Variants in DPP6 observed in about 807,000 individuals in gnomAD.
The protein encoded by DPP6 is dipeptidyl peptidase like 6.
DPP6 carries 69 observed loss-of-function variants against 122.6 expected under a neutral mutation model. That is an observed-to-expected ratio of 0.56 (90% CI 0.46 to 0.69). The LOEUF (loss-of-function observed/expected upper bound fraction) is 0.69, where lower values mean the gene tolerates loss of function less well. Among genes scored for constraint, DPP6 ranks in the 30% least tolerant of loss-of-function variants. The pLI is 0.00. For synonymous variants in DPP6, 418 were observed against 433.1 expected (o/e 0.97, Z 0.43); for missense variants, 928 against 1,116.9 (o/e 0.83, Z 2.41).
At chr7:154,802,997 T>C (rs57624562) in intron 13 of DPP6, among the ~76,000 whole-genome samples, 21,621 of 152,144 alleles carry the variant, frequency 0.14, 2,410 homozygotes, top group African/African-American at 0.31. Flanking sequence ...TCCTGCAGGT[T>C]CCCAGGAACC....
chr7:153,898,179 G>A (rs975345145), intron 1 of DPP6, among the ~76,000 whole-genome samples: 23 of 152,180 alleles, frequency 1.5e-4, no homozygotes, highest in African/African-American at 5.3e-4. Context: ...GAGTCTGGGT[G>A]CAGTGGCTCA....
intron 1 of DPP6, among the ~76,000 whole-genome samples, chr7:154,011,041 G>T (rs1483265256): frequency 6.6e-6 from 1 of 152,174 alleles, no homozygotes; most frequent in Non-Finnish European, 1.5e-5. Context: ...TGAGAATGTT[G>T]TTGAGTGCAG....
rs1805326283 is a variant in DPP6 at position 154,880,803 on chromosome 7, A to G, written c.2079-85A>G. On this transcript the variant is annotated intron_variant, in intron 20 of 25. Coordinates refer to ENST00000377770, the MANE Select transcript of DPP6 (RefSeq NM_130797.4). Reference sequence around the variant, plus strand: ...AGAGGGGTTTTCATCCTTGAAATGGATGGAAAACATGGCTCTGGGCTACAG... The same window carrying G: ...AGAGGGGTTTTCATCCTTGAAATGGGTGGAAAACATGGCTCTGGGCTACAG... The G allele has an allele frequency of 2.5e-6, 4 of 1,610,144 alleles. No homozygotes were observed. The Admixed American group carries it at 5.0e-5, about 20-fold the overall frequency.
At chr7:154,773,629 T>C (rs926318926) in intron 10 of DPP6, among the ~76,000 whole-genome samples, 1 of 152,132 alleles carries the variant, frequency 6.6e-6, no homozygotes, top group African/African-American at 2.4e-5. Context: ...GAGGAGGGGA[T>C]TTTAGGGGTG....
At chr7:154,008,177 G>A (rs965226362) in intron 1 of DPP6, among the ~76,000 whole-genome samples, 51 of 152,096 alleles carry the variant, frequency 3.4e-4, no homozygotes, top group Admixed American at 7.9e-4. Flanking sequence ...ATTGTTTAAG[G>A]ATGATAAAAC....
At chr7:153,874,744 A>C in the DPP6 span, among the ~76,000 whole-genome samples, 2 of 152,346 alleles carry the variant, frequency 1.3e-5, no homozygotes, top group Admixed American at 6.5e-5. Context: ...AATGGAAACA[A>C]AATAAGATAT....
At chr7:154,676,176 C>T (rs1409797573) in intron 7 of DPP6, among the ~76,000 whole-genome samples, 2 of 151,122 alleles carry the variant, frequency 1.3e-5, no homozygotes, top group Non-Finnish European at 2.9e-5. Context: ...ACAGGTGTTC[C>T]GGGCTACAGC....
At chr7:154,291,397 A>C (rs1255234527) in intron 1 of DPP6, among the ~76,000 whole-genome samples, 2 of 152,176 alleles carry the variant, frequency 1.3e-5, no homozygotes, top group African/African-American at 4.8e-5. Context: ...GAAAACTGGC[A>C]AGTCTCCAGG....
the DPP6 span, among the ~76,000 whole-genome samples, chr7:153,832,737 A>G: frequency 3.1e-5 from 3 of 98,054 alleles, no homozygotes; most frequent in South Asian, 2.8e-4. Context: ...TTGATGTCCT[A>G]TGTTTAGCAG....
chr7:154,102,987 A>G (rs903573689), intron 1 of DPP6, among the ~76,000 whole-genome samples: 29 of 152,028 alleles, frequency 1.9e-4, no homozygotes, highest in African/African-American at 6.8e-4. Context: ...CCCATTCTGA[A>G]TCACAAAGGC....
intron 1 of DPP6, among the ~76,000 whole-genome samples, chr7:154,066,129 A>T (rs1252513884): frequency 6.7e-6 from 1 of 150,082 alleles, no homozygotes; most frequent in African/African-American, 2.5e-5. Flanking sequence ...ATACAAACTC[A>T]GCTCACTGTA....
At chr7:154,397,406 A>T (rs1815184437) in intron 1 of DPP6, among the ~76,000 whole-genome samples, 1 of 152,218 alleles carries the variant, frequency 6.6e-6, no homozygotes, top group Non-Finnish European at 1.5e-5. Flanking sequence ...TTTCTCATTG[A>T]TAAACCTCCT....
intron 1 of DPP6, among the ~76,000 whole-genome samples, chr7:153,934,130 C>T (rs953831782): frequency 1.3e-5 from 2 of 152,174 alleles, no homozygotes; most frequent in Non-Finnish European, 2.9e-5. Context: ...GGGACACCAT[C>T]CCTGAAGTGT....
the DPP6 span, among the ~76,000 whole-genome samples, chr7:153,848,082 G>T: frequency 6.6e-6 from 1 of 152,130 alleles, no homozygotes; most frequent in Non-Finnish European, 1.5e-5. Flanking sequence ...TTGCCTGGTC[G>T]GGCGGATAGG....
chr7:154,041,938 T>C (rs1056472926), intron 1 of DPP6, among the ~76,000 whole-genome samples: 7 of 152,150 alleles, frequency 4.6e-5, no homozygotes, highest in Non-Finnish European at 8.8e-5. Context: ...TTTGTATTTT[T>C]AGTAGAGCCG....
chr7:154,252,424 A>G (rs546121825), intron 1 of DPP6, among the ~76,000 whole-genome samples: 21 of 152,248 alleles, frequency 1.4e-4, no homozygotes, highest in Non-Finnish European at 2.8e-4. Context: ...TGGCTATGAT[A>G]CGAACACAAA....
intron 8 of DPP6, among the ~76,000 whole-genome samples, chr7:154,758,559 A>T (rs1795304932): frequency 6.6e-6 from 1 of 151,942 alleles, no homozygotes; most frequent in African/African-American, 2.4e-5. Context: ...TTTAGTAGAG[A>T]CGGGGTTTCA....
Position 154,545,211 on chromosome 7 carries a change from GC to G in DPP6, c.552+4586del, listed in dbSNP as rs529792760. ...ATGTCAATGTTATTTTACGTTTCAT[GC>G]TCCTTATAAGACTCTTGTCAACAAG... is the stretch of plus-strand genomic sequence containing the variant. On this transcript the variant is annotated intron_variant, in intron 4 of 25. Coordinates refer to ENST00000377770, the MANE Select transcript of DPP6 (RefSeq NM_130797.4). Among the ~76,000 whole-genome samples, 86 of 152,174 alleles carry G rather than the reference GC, an allele frequency of 5.7e-4. 4 individuals are homozygous for G. The South Asian group carries it at 0.012, about 21-fold the overall frequency.
At chr7:154,744,395 C>T (rs1400719627) in intron 8 of DPP6, among the ~76,000 whole-genome samples, 2 of 152,194 alleles carry the variant, frequency 1.3e-5, no homozygotes, top group Admixed American at 6.5e-5. Context: ...ACTAAAGGAA[C>T]GGGAAGGGAC....
Sources: gnomAD v4.1 joint callset for allele counts (sites outside exome capture counted in the v4.1 genomes callset) on GRCh38, gnomAD v4.1.1 for gene constraint, MANE v1.5 for transcripts, NCBI Gene and HGNC (gene_info 2026-07-23, HGNC 2026-07-21) for gene names.